Variants in BRIP1 observed in about 807,000 individuals in gnomAD.
BRIP1 encodes the protein BRCA1 interacting DNA helicase 1, also known as Fanconi anemia group J protein.
A neutral mutation model predicts 119.7 loss-of-function variants in BRIP1; 88 were observed. The observed-to-expected ratio is 0.74, with a 90% CI of 0.62 to 0.88. The LOEUF (loss-of-function observed/expected upper bound fraction) is 0.88, where lower values mean the gene tolerates loss of function less well. Ranked by LOEUF, BRIP1 falls within the 40% of genes least tolerant of loss-of-function variation. BRIP1 has a pLI of 0.00. For missense variants in BRIP1, 1,259 were observed against 1,455.4 expected (o/e 0.87, Z 2.20); for synonymous variants, 443 against 496.5 (o/e 0.89, Z 1.43).
chr17:61,683,968 T>C lies in BRIP1; in HGVS notation c.3078A>G (p.Ser1026=), dbSNP rs786201657. The change falls in exon 20 of 20, where the codon TCA becomes TCG. Residue 1026 remains serine (S), a synonymous_variant. Coordinates refer to ENST00000259008, the MANE Select transcript of BRIP1 (RefSeq NM_032043.3). The surrounding 1 kb of genome is among the most constrained non-coding windows in gnomAD (Gnocchi z 4.7). ...IPKATPELGS[S]ENSASSPPRF... Reference sequence around the variant, plus strand: ...GGGGAGGACTAGAGGCACTATTCTCTGATGACCCGAGCTCAGGTGTTGCCT... The same window carrying C: ...GGGGAGGACTAGAGGCACTATTCTCCGATGACCCGAGCTCAGGTGTTGCCT... 1 of 1,614,208 alleles carries C rather than the reference T, an allele frequency of 6.2e-7. No homozygotes were observed. The highest frequency in any genetic ancestry group is 1.3e-5 in the African/African-American group (1 of 75,058).
chr17:61,765,413 A>T (rs2077351894), intron 14 of BRIP1, among the ~76,000 whole-genome samples: 3 of 14,272 alleles, frequency 2.1e-4, no homozygotes, highest in Non-Finnish European at 3.6e-4. Flanking sequence ...ATATATATAT[A>T]TATATATATA....
chr17:61,746,674 A>T lies in BRIP1; in HGVS notation c.2098-2083T>A, dbSNP rs1357506936. ...TAAATATACACACAACCAACATCAG[A>T]GCACCCAAATATAGCAAGCAAATAG... is the stretch of plus-strand genomic sequence containing the variant. On this transcript the variant is annotated intron_variant, in intron 14 of 19. Coordinates refer to ENST00000259008, the MANE Select transcript of BRIP1 (RefSeq NM_032043.3). The surrounding 1 kb of genome is among the most constrained non-coding windows in gnomAD (Gnocchi z 4.9). Among the ~76,000 whole-genome samples the T allele has an allele frequency of 6.6e-6, 1 of 152,166 alleles. No individual in the cohort carries two copies. Among genetic ancestry groups the T allele is most frequent in the Non-Finnish European group, 1.5e-5 (1 of 68,006 alleles).
At chr17:61,833,819 A>T (rs1251989221) in intron 6 of BRIP1, among the ~76,000 whole-genome samples, 1 of 152,212 alleles carries the variant, frequency 6.6e-6, no homozygotes, top group Non-Finnish European at 1.5e-5. Context: ...AACTTAACCA[A>T]GATTACAATA....
chr17:61,838,828 T>C (rs2078615595), intron 6 of BRIP1, among the ~76,000 whole-genome samples: 3 of 151,950 alleles, frequency 2.0e-5, no homozygotes, highest in Admixed American at 6.6e-5. Flanking sequence ...AGTTCTAATA[T>C]ATGGACTACT....
At position 61,852,317 on chromosome 17, in the gene BRIP1, G is replaced by T. The variant is rs1412418472; in HGVS notation, c.380-3061C>A. 1.3e-5 allele frequency among the ~76,000 whole-genome samples: 2 copies of T among 152,124 alleles called. No homozygotes were observed. Among genetic ancestry groups the T allele is most frequent in the East Asian group, 3.8e-4 (2 of 5,204 alleles). ...TTTAAGATACAAAGTTAAAAAGAAA[G>T]AAGATATCTCCCGATTATGTTTTTT... On this transcript the variant is annotated intron_variant, in intron 4 of 19. Transcript: ENST00000259008. The surrounding 1 kb of genome is among the most constrained non-coding windows in gnomAD (Gnocchi z 4.9).
rs1479886273 is a variant in BRIP1, at chr17:61,739,657, T to G, written c.2379+3356A>C. Among the ~76,000 whole-genome samples, 1 of 152,104 alleles carries G rather than the reference T, an allele frequency of 6.6e-6. No homozygotes were observed. The highest frequency in any genetic ancestry group is 1.5e-5 in the Non-Finnish European group (1 of 68,018). ...CAGTACCTAGTAAAGTATTAACAAT[T>G]AAAAAGATAACTATTCTAATGAAAG... is the stretch of plus-strand genomic sequence containing the variant. On this transcript the variant is annotated intron_variant, in intron 16 of 19. Coordinates refer to ENST00000259008, the MANE Select transcript of BRIP1 (RefSeq NM_032043.3). This position sits in a 1 kb window ranked among gnomAD's most constrained non-coding sequence, Gnocchi z 6.0.
intron 17 of BRIP1, among the ~76,000 whole-genome samples, chr17:61,697,485 C>A (rs2061547422): frequency 6.6e-6 from 1 of 150,482 alleles, no homozygotes; most frequent in Non-Finnish European, 1.5e-5. Context: ...CTCTTATAAT[C>A]CTTTGTATTT....
At chr17:61,840,096 C>T (rs531167517) in intron 6 of BRIP1, among the ~76,000 whole-genome samples, 17 of 152,280 alleles carry the variant, frequency 1.1e-4, no homozygotes, top group South Asian at 8.3e-4. Flanking sequence ...CCGTGGCTCA[C>T]GCCTGTAATC....
chr17:61,777,561 T>C (rs1161827997), intron 13 of BRIP1, among the ~76,000 whole-genome samples: 2 of 152,192 alleles, frequency 1.3e-5, no homozygotes, highest in African/African-American at 2.4e-5. Context: ...CCCACAACCC[T>C]CTGCTTGGGT....
chr17:61,714,308 A>C (rs2061824627), intron 17 of BRIP1, among the ~76,000 whole-genome samples: 1 of 152,258 alleles, frequency 6.6e-6, no homozygotes, highest in Admixed American at 6.5e-5. Context: ...CGACTCACTC[A>C]GAGCAACTTA....
In BRIP1 at chr17:61,831,701, T is replaced by G. The variant is rs969400943; in HGVS notation, c.627+15400A>C. Among the ~76,000 whole-genome samples, 1 of 152,210 alleles carries G rather than the reference T, an allele frequency of 6.6e-6. No homozygotes were observed. The highest frequency in any genetic ancestry group is 1.5e-5 in the Non-Finnish European group (1 of 68,040). On this transcript the variant is annotated intron_variant, in intron 6 of 19. Coordinates refer to ENST00000259008, the MANE Select transcript of BRIP1 (RefSeq NM_032043.3). This position sits in a 1 kb window ranked among gnomAD's most constrained non-coding sequence, Gnocchi z 4.1. ...TGAATAACACTCCTATGAACACTGG[T>G]GTACAAGTATCTGAGTACCTGCTTT...
At chr17:61,771,764 A>G (rs1418795129) in intron 14 of BRIP1, among the ~76,000 whole-genome samples, 1 of 152,154 alleles carries the variant, frequency 6.6e-6, no homozygotes, top group Non-Finnish European at 1.5e-5. Context: ...GTTCAAGACC[A>G]GCCTGGCCAA....
rs2078723439 is a variant in BRIP1, at chr17:61,846,042, CGT to C, written c.627+1057_627+1058del. 6.6e-6 allele frequency among the ~76,000 whole-genome samples: 1 copy of C among 151,774 alleles called. No homozygotes were observed. The highest frequency in any genetic ancestry group is 1.5e-5 in the Non-Finnish European group (1 of 67,942). On this transcript the variant is annotated intron_variant, in intron 6 of 19. Transcript: ENST00000259008. This position sits in a 1 kb window ranked among gnomAD's most constrained non-coding sequence, Gnocchi z 4.3. The stretch of plus-strand genomic sequence containing the variant: ...CTAAAAATACAAAAAATTAGCCAGG[CGT>C]GGTGGCAGGCGCCTGTAGTCCCAAC...
chr17:61,847,673 G>C (rs561116135), intron 5 of BRIP1, among the ~76,000 whole-genome samples: 1 of 152,166 alleles, frequency 6.6e-6, no homozygotes, highest in Non-Finnish European at 1.5e-5. Context: ...TAAATTACTC[G>C]ATTACTATTA....
At chr17:61,731,261 A>G (rs777006549) in intron 16 of BRIP1, among the ~76,000 whole-genome samples, 12 of 152,228 alleles carry the variant, frequency 7.9e-5, no homozygotes, top group Non-Finnish European at 1.8e-4. Flanking sequence ...AATGTTAAAG[A>G]GTTAAGTATT....
In BRIP1 at chr17:61,751,297, G is replaced by T. The variant is rs931577429; in HGVS notation, c.2098-6706C>A. Among the ~76,000 whole-genome samples the T allele has an allele frequency of 1.3e-5, 2 of 152,118 alleles. No individual in the cohort carries two copies. Among genetic ancestry groups the T allele is most frequent in the African/African-American group, 4.8e-5 (2 of 41,414 alleles). On this transcript the variant is annotated intron_variant, in intron 14 of 19. Coordinates refer to ENST00000259008, the MANE Select transcript of BRIP1 (RefSeq NM_032043.3). The surrounding 1 kb of genome is among the most constrained non-coding windows in gnomAD (Gnocchi z 6.7). ...AGAATAGACAAATTCTTAGAGATGG[G>T]AAGTAGAACAGAGGTTACCAGGGCC...
rs1229638348 is a variant in BRIP1 at position 61,704,744 on chromosome 17, A to G, written c.2492+11207T>C. ...CTACTTCATCTAAGTTATCAAATGTATATGTATAGAGTTTTTCGTAGTATT... is the reference window on the plus strand; with the variant it reads ...CTACTTCATCTAAGTTATCAAATGTGTATGTATAGAGTTTTTCGTAGTATT... On this transcript the variant is annotated intron_variant, in intron 17 of 19. Coordinates refer to ENST00000259008, the MANE Select transcript of BRIP1 (RefSeq NM_032043.3). This position sits in a 1 kb window ranked among gnomAD's most constrained non-coding sequence, Gnocchi z 5.7. Among the ~76,000 whole-genome samples, 2 of 152,082 alleles carry G rather than the reference A, an allele frequency of 1.3e-5. No homozygotes were observed. Among genetic ancestry groups the G allele is most frequent in the Non-Finnish European group, 2.9e-5 (2 of 67,992 alleles).
At chr17:61,849,404 AC>A in intron 4 of BRIP1, 148 bp from the exon 5 acceptor site, 1 of 678,078 alleles carries the variant, frequency 1.5e-6, no homozygotes, top group Non-Finnish European at 2.5e-6. Flanking sequence ...TTTAAAAAGT[AC>A]TTCTCTACCA....
chr17:61,693,493 C>A lies in BRIP1; in HGVS notation c.2512G>T (p.Asp838Tyr). 1.2e-6 allele frequency: 2 copies of A among 1,613,056 alleles called. No individual in the cohort carries two copies. The highest frequency in any genetic ancestry group is 1.7e-6 in the Non-Finnish European group (2 of 1,179,098). Residue 838 changes from aspartate to tyrosine, a missense_variant, in exon 18 of 20, where the codon GAT (aspartate) becomes TAT (tyrosine). Physicochemically the swap from Asp to Tyr is radical, Grantham distance 160. Transcript: ENST00000259008. The surrounding 1 kb of genome is among the most constrained non-coding windows in gnomAD (Gnocchi z 4.2). ...TCCACTAGAATAAGAGCTCCCCAAT[C>A]ATTTCTGTGTCTAATACATCTAGAA... ...ALGRCIRHRN[D>Y]WGALILVDDR...
Sources: allele counts gnomAD v4.1 joint callset (sites outside exome capture counted in the v4.1 genomes callset), GRCh38; gene constraint gnomAD v4.1.1; non-coding constraint Gnocchi (gnomAD v3.1); transcripts MANE v1.5; gene names NCBI Gene and HGNC (gene_info 2026-07-23, HGNC 2026-07-21).